Variants in SLC27A6 observed in about 807,000 individuals in gnomAD.
SLC27A6 encodes solute carrier family 27 member 6, also known as long-chain fatty acid transport protein 6.
In SLC27A6, 74 loss-of-function variants were observed where a neutral mutation model predicts 63.9. That is an observed-to-expected ratio of 1.16 (90% CI 0.96 to 1.40). SLC27A6 has a LOEUF of 1.40. Among genes scored for constraint, SLC27A6 ranks in the 40% most tolerant of loss-of-function variants. The probability of loss-of-function intolerance (pLI) is 0.00; values close to 1 mark genes in which losing one functional copy is unlikely to be tolerated. For synonymous variants in SLC27A6, 287 were observed against 260.8 expected (o/e 1.10, Z -0.97); for missense variants, 794 against 732.9 (o/e 1.08, Z -0.96).
chr5:128,975,629 A>G (rs1329473270), intron 1 of SLC27A6, among the ~76,000 whole-genome samples: 1 of 152,194 alleles, frequency 6.6e-6, no homozygotes, highest in African/African-American at 2.4e-5. Flanking sequence ...ACTGTTGTAT[A>G]TGCAGTCCCT....
At chr5:129,020,867 T>C (rs535355491) in intron 5 of SLC27A6, among the ~76,000 whole-genome samples, 18 of 152,186 alleles carry the variant, frequency 1.2e-4, no homozygotes, top group African/African-American at 4.1e-4. Flanking sequence ...GGATGTCATA[T>C]GTAAGGCAGA....
chr5:129,006,469 G>GTGTGTGTGTGTGTGTGTGTGTT, intron 4 of SLC27A6, among the ~76,000 whole-genome samples: 1 of 151,394 alleles, frequency 6.6e-6, no homozygotes, highest in East Asian at 1.9e-4. Context: ...GTGTGTGTGT[G>GTGTGTGTGTGTGTGTGTGTGTT]TGTGTGTGTG....
intron 1 of SLC27A6, among the ~76,000 whole-genome samples, chr5:128,975,773 C>T (rs1024751197): frequency 6.6e-6 from 1 of 152,120 alleles, no homozygotes; most frequent in Non-Finnish European, 1.5e-5. Flanking sequence ...TGTAAGGAGG[C>T]ATATCCTTTC....
chr5:129,002,545 C>T (rs1580727846), intron 4 of SLC27A6, among the ~76,000 whole-genome samples: 1 of 150,634 alleles, frequency 6.6e-6, no homozygotes, highest in Non-Finnish European at 1.5e-5. Flanking sequence ...TCCCTCACTC[C>T]CTCCCTTCCT....
At chr5:129,006,492 CTG>C (rs1751545079) in intron 4 of SLC27A6, among the ~76,000 whole-genome samples, 1 of 131,328 alleles carries the variant, frequency 7.6e-6, no homozygotes, top group Non-Finnish European at 1.7e-5. Context: ...TGTTGTGTGT[CTG>C]TGTGTGAGTG....
At chr5:129,005,268 C>T (rs1751482199) in intron 4 of SLC27A6, among the ~76,000 whole-genome samples, 1 of 152,090 alleles carries the variant, frequency 6.6e-6, no homozygotes, top group African/African-American at 2.4e-5. Context: ...ATATTAACTC[C>T]CAGTTATTTC....
chr5:128,966,090 C>A lies in SLC27A6; in HGVS notation c.-48C>A. ...GAGAGCTGTGCCTGGAAGAGAAGGACGCTGGTGGGGGCTGAGATCAGAGCT... is the reference window on the plus strand; with the variant it reads ...GAGAGCTGTGCCTGGAAGAGAAGGAAGCTGGTGGGGGCTGAGATCAGAGCT... On this transcript the variant is annotated 5_prime_UTR_variant, in exon 1 of 10. Coordinates refer to ENST00000262462, the MANE Select transcript of SLC27A6 (RefSeq NM_001017372.3). 1 of 1,513,378 alleles carries A rather than the reference C, an allele frequency of 6.6e-7. No individual in the cohort carries two copies. The highest frequency in any genetic ancestry group is 8.8e-7 in the Non-Finnish European group (1 of 1,134,126). The allele number at this position is 1,513,378 out of a possible 1,614,324, so 93.7% of individuals were successfully genotyped here. A position where few individuals can be genotyped will look rare whatever the true frequency, so the allele number is the denominator to read the frequency against.
intron 4 of SLC27A6, among the ~76,000 whole-genome samples, chr5:129,010,415 T>C (rs1256272753): frequency 1.3e-5 from 2 of 152,188 alleles, no homozygotes; most frequent in African/African-American, 4.8e-5. Context: ...CAGATGTGAT[T>C]ACAGTTACAG....
chr5:128,966,626 A>G lies in SLC27A6; in HGVS notation c.481+8A>G. The G allele has an allele frequency of 6.6e-7, 1 of 1,508,062 alleles. No homozygotes were observed. The highest frequency in any genetic ancestry group is 8.8e-7 in the Non-Finnish European group (1 of 1,137,044). The allele number at this position is 1,508,062 out of a possible 1,614,324, so 93.4% of individuals were successfully genotyped here. On this transcript the variant is annotated splice_region_variant and intron_variant, in intron 1 of 9. Coordinates refer to ENST00000262462, the MANE Select transcript of SLC27A6 (RefSeq NM_001017372.3). ...CCCTAGTGGTGGGCGCAGGTAGAGT[A>G]TGGGGTGTGGTCTGCCTATACAGAA...
chr5:128,983,978 C>T (rs952106299), intron 1 of SLC27A6, among the ~76,000 whole-genome samples: 1 of 152,058 alleles, frequency 6.6e-6, no homozygotes, highest in African/African-American at 2.4e-5. Flanking sequence ...TTAATATCCC[C>T]AAGGACGTTA....
At chr5:128,974,530 A>G (rs975840834) in intron 1 of SLC27A6, among the ~76,000 whole-genome samples, 5 of 152,224 alleles carry the variant, frequency 3.3e-5, no homozygotes, top group African/African-American at 1.2e-4. Flanking sequence ...TGTTGTTGGC[A>G]TCTGGAGTCT....
At chr5:128,972,019 T>C (rs762789794) in intron 1 of SLC27A6, among the ~76,000 whole-genome samples, 74 of 152,332 alleles carry the variant, frequency 4.9e-4, no homozygotes, top group Non-Finnish European at 9.7e-4. Flanking sequence ...CCTTCACTTA[T>C]GAAGCTTAGT....
At chr5:128,998,026 T>C (rs1382587456) in intron 4 of SLC27A6, among the ~76,000 whole-genome samples, 3 of 147,738 alleles carry the variant, frequency 2.0e-5, no homozygotes, top group African/African-American at 7.6e-5. Flanking sequence ...ATGCCTGTAA[T>C]CCCAGCACTT....
At chr5:129,031,583 G>A (rs1752415467) in intron 9 of SLC27A6, among the ~76,000 whole-genome samples, 1 of 151,750 alleles carries the variant, frequency 6.6e-6, no homozygotes. Context: ...AGTAATCAAA[G>A]ATGTATAAAG....
chr5:128,966,074 G>T lies in SLC27A6; in HGVS notation c.-64G>T. ...ATCTGCGGTCTCCGTGGAGAGCTGT[G>T]CCTGGAAGAGAAGGACGCTGGTGGG... On this transcript the variant is annotated 5_prime_UTR_variant, in exon 1 of 10. Coordinates refer to ENST00000262462, the MANE Select transcript of SLC27A6 (RefSeq NM_001017372.3). The T allele has an allele frequency of 7.9e-6, 12 of 1,510,766 alleles. No homozygotes were observed. Among genetic ancestry groups the T allele is most frequent in the Non-Finnish European group, 1.1e-5 (12 of 1,132,760 alleles). The allele number at this position is 1,510,766 out of a possible 1,614,324, so 93.6% of individuals were successfully genotyped here.
chr5:129,019,984 G>T (rs952995846), intron 5 of SLC27A6, among the ~76,000 whole-genome samples: 22 of 151,766 alleles, frequency 1.4e-4, no homozygotes, highest in African/African-American at 5.1e-4. Flanking sequence ...CACTATATGG[G>T]GTAGAATAAT....
rs78386445 is a variant in SLC27A6 at position 129,025,566 on chromosome 5, T to C, written c.1256-1567T>C. Among the ~76,000 whole-genome samples, 5 of 152,238 alleles carry C rather than the reference T, an allele frequency of 3.3e-5. No individual in the cohort carries two copies. In the East Asian group the frequency reaches 7.7e-4, roughly 24 times the overall value. On this transcript the variant is annotated intron_variant, in intron 6 of 9. Transcript: ENST00000262462. ...GAAGATATTATCTGGGCCTTTCTTATAGGTTTGTGATGAGAATTAAATGGA... is the reference window on the plus strand; with the variant it reads ...GAAGATATTATCTGGGCCTTTCTTACAGGTTTGTGATGAGAATTAAATGGA...
intron 4 of SLC27A6, among the ~76,000 whole-genome samples, chr5:128,990,733 A>G (rs1397504884): frequency 9.2e-5 from 14 of 152,156 alleles, no homozygotes; most frequent in Non-Finnish European, 1.8e-4. Context: ...TTATAGCTCT[A>G]TTAGAAGCCA....
Position 128,965,871 on chromosome 5 carries a change from C to T in SLC27A6, c.-267C>T. ...TGAGGGTGGCTGTGTTGGTTTCTCG[C>T]AGGAGTCGGAGGCTCCCTGCTTTCC... is the stretch of plus-strand genomic sequence containing the variant. On this transcript the variant is annotated 5_prime_UTR_variant, in exon 1 of 10. Transcript: ENST00000262462. The T allele has an allele frequency of 2.9e-6, 1 of 348,568 alleles. No homozygotes were observed. Among genetic ancestry groups the T allele is most frequent in the Non-Finnish European group, 5.2e-6 (1 of 191,946 alleles). 21.6% of individuals were successfully genotyped at this position (348,568 alleles called of 1,614,324 possible). A position where few individuals can be genotyped will look rare whatever the true frequency, so the allele number is the denominator to read the frequency against.
Sources: allele counts gnomAD v4.1 joint callset (sites outside exome capture counted in the v4.1 genomes callset), GRCh38; gene constraint gnomAD v4.1.1; transcripts MANE v1.5; gene names NCBI Gene and HGNC (gene_info 2026-07-23, HGNC 2026-07-21).